The following PIBF1 variants were observed in gnomAD, a reference collection of about 807,000 sequenced individuals.
The protein encoded by PIBF1 is progesterone-induced-blocking factor 1.
Under a neutral mutation model 112.5 loss-of-function variants are expected in PIBF1, and 90 were observed. The ratio of observed to expected loss-of-function variants is 0.80; its 90% CI spans 0.67 to 0.95. The LOEUF is 0.95. PIBF1 is among the 40% of genes least tolerant of loss of function. The probability of loss-of-function intolerance (pLI) is 0.00; values close to 1 mark genes in which losing one functional copy is unlikely to be tolerated. For synonymous variants in PIBF1, 301 were observed against 288.6 expected (o/e 1.04, Z -0.44); for missense variants, 915 against 852.3 (o/e 1.07, Z -0.92).
At chr13:72,875,695 G>A (rs2138458338) in intron 10 of PIBF1, among the ~76,000 whole-genome samples, 1 of 152,272 alleles carries the variant, frequency 6.6e-6, no homozygotes, top group South Asian at 2.1e-4. Flanking sequence ...GACATATGAT[G>A]CAGAGCATCT....
At chr13:72,795,674 G>A in intron 4 of PIBF1, 117 bp downstream of exon 4, 1 of 662,162 alleles carries the variant, frequency 1.5e-6, no homozygotes, top group African/African-American at 1.8e-5. Context: ...TATGGCTATG[G>A]ATGGTGAATG....
intron 16 of PIBF1, among the ~76,000 whole-genome samples, chr13:72,978,715 C>T (rs2043084973): frequency 6.6e-6 from 1 of 152,074 alleles, no homozygotes; most frequent in Non-Finnish European, 1.5e-5. Context: ...TGTAATCTAT[C>T]TTACTCTAAA....
chr13:72,791,592 T>C (rs2034932553), intron 2 of PIBF1, among the ~76,000 whole-genome samples: 1 of 152,140 alleles, frequency 6.6e-6, no homozygotes, highest in Non-Finnish European at 1.5e-5. Flanking sequence ...GAATTTATTC[T>C]GAGGACAGTG....
Position 72,782,153 on chromosome 13 carries a change from T to G in PIBF1, c.-244T>G. ...CCGGGAGAGTTGACTTCCGGCGGCTTGTGGGAGTGCTGGTTCTGTCCTCCT... is the reference window on the plus strand; with the variant it reads ...CCGGGAGAGTTGACTTCCGGCGGCTGGTGGGAGTGCTGGTTCTGTCCTCCT... On this transcript the variant is annotated 5_prime_UTR_variant, in exon 1 of 18. Coordinates refer to ENST00000326291, the MANE Select transcript of PIBF1 (RefSeq NM_006346.4). 3.4e-6 allele frequency: 1 copy of G among 296,020 alleles called. No homozygotes were observed. 18.3% of individuals were successfully genotyped at this position (296,020 alleles called of 1,614,324 possible).
At chr13:72,785,488 A>T (rs1055302468) in intron 2 of PIBF1, among the ~76,000 whole-genome samples, 8 of 152,224 alleles carry the variant, frequency 5.3e-5, no homozygotes, top group Admixed American at 2.0e-4. Flanking sequence ...ACCCAAGGCC[A>T]TTCAGATGAA....
At chr13:72,966,241 G>A (rs987284723) in intron 15 of PIBF1, among the ~76,000 whole-genome samples, 107 of 152,186 alleles carry the variant, frequency 7.0e-4, no homozygotes, top group Non-Finnish European at 7.6e-4. Context: ...AAACCTATTG[G>A]TAACTAATTC....
intron 16 of PIBF1, among the ~76,000 whole-genome samples, chr13:72,985,575 G>T (rs781200805): frequency 6.6e-6 from 1 of 151,930 alleles, no homozygotes; most frequent in Non-Finnish European, 1.5e-5. Context: ...AAAATATTTG[G>T]TGGCCAGGAG....
chr13:72,934,527 A>G (rs2138785696), intron 14 of PIBF1, among the ~76,000 whole-genome samples: 1 of 152,078 alleles, frequency 6.6e-6, no homozygotes, highest in South Asian at 2.1e-4. Flanking sequence ...CAGGATCTCT[A>G]TTCTTTGGAT....
chr13:72,869,127 A>C (rs563286027), intron 10 of PIBF1, among the ~76,000 whole-genome samples: 1 of 152,154 alleles, frequency 6.6e-6, no homozygotes, highest in South Asian at 2.1e-4. Context: ...TATATACCCA[A>C]AGGACTATAA....
chr13:72,884,555 A>G (rs1330455335), intron 10 of PIBF1: 1 of 152,192 alleles, frequency 6.6e-6, no homozygotes, highest in Non-Finnish European at 1.5e-5. Flanking sequence ...ATAATGTAAG[A>G]TGTTAAAAAT....
intron 11 of PIBF1, among the ~76,000 whole-genome samples, chr13:72,900,621 A>G (rs921254779): frequency 6.6e-6 from 1 of 152,242 alleles, no homozygotes; most frequent in African/African-American, 2.4e-5. Flanking sequence ...AAGGACTTAA[A>G]CCTAAGACCC....
chr13:73,002,863 A>G (rs2043914677), intron 17 of PIBF1, among the ~76,000 whole-genome samples: 3 of 151,568 alleles, frequency 2.0e-5, no homozygotes, highest in Non-Finnish European at 4.4e-5. Flanking sequence ...GCATGCCTGT[A>G]GTCCCAGCTA....
intron 10 of PIBF1, among the ~76,000 whole-genome samples, chr13:72,885,745 C>A (rs778658622): frequency 6.6e-6 from 1 of 152,130 alleles, no homozygotes. Flanking sequence ...AGAACCGTGG[C>A]ATCTAGAGTT....
intron 8 of PIBF1, among the ~76,000 whole-genome samples, chr13:72,828,287 T>A (rs2138164097): frequency 6.7e-6 from 1 of 150,336 alleles, no homozygotes; most frequent in African/African-American, 2.4e-5. Flanking sequence ...TTTTTTTTTA[T>A]AAATTATACT....
intron 9 of PIBF1, among the ~76,000 whole-genome samples, chr13:72,841,290 A>G (rs1021280794): frequency 6.6e-6 from 1 of 152,228 alleles, no homozygotes; most frequent in Non-Finnish European, 1.5e-5. Context: ...CTTCTTGCTT[A>G]GTAGGTATTA....
At chr13:72,996,175 A>C (rs1157441467) in intron 16 of PIBF1, among the ~76,000 whole-genome samples, 1 of 150,196 alleles carries the variant, frequency 6.7e-6, no homozygotes, top group Non-Finnish European at 1.5e-5. Context: ...AATTTCCCTA[A>C]CATATAAAGA....
intron 15 of PIBF1, among the ~76,000 whole-genome samples, chr13:72,971,323 A>G (rs1055270156): frequency 1.3e-5 from 2 of 151,990 alleles, no homozygotes; most frequent in African/African-American, 4.8e-5. Flanking sequence ...TCCTAGTCCT[A>G]TTTACTGGAT....
chr13:73,008,726 C>A (rs2044112065), intron 17 of PIBF1, among the ~76,000 whole-genome samples: 1 of 152,120 alleles, frequency 6.6e-6, no homozygotes, highest in South Asian at 2.1e-4. Context: ...TCGATTTGCC[C>A]ACTTTGCAAA....
chr13:72,820,482 C>T (rs758609718), intron 5 of PIBF1, among the ~76,000 whole-genome samples: 5 of 152,052 alleles, frequency 3.3e-5, no homozygotes, highest in African/African-American at 9.7e-5. Flanking sequence ...AAAACTTCAG[C>T]GTAGAACAAG....
Sources: allele counts gnomAD v4.1 joint callset (sites outside exome capture counted in the v4.1 genomes callset), GRCh38; gene constraint gnomAD v4.1.1; transcripts MANE v1.5; gene names NCBI Gene and HGNC (gene_info 2026-07-23, HGNC 2026-07-21).